Variants in AGAP1 observed in about 807,000 individuals in gnomAD.
The protein encoded by AGAP1 is arf-GAP with GTPase, ANK repeat and PH domain-containing protein 1.
A neutral mutation model predicts 105.3 loss-of-function variants in AGAP1; 29 were observed. The observed-to-expected ratio is 0.28, with a 90% CI of 0.21 to 0.38. The LOEUF (loss-of-function observed/expected upper bound fraction) is 0.38, where lower values mean the gene tolerates loss of function less well. Among genes scored for constraint, AGAP1 ranks in the 10% least tolerant of loss-of-function variants. AGAP1 has a pLI of 1.00. For synonymous variants in AGAP1, 509 were observed against 485.9 expected, an observed-to-expected ratio of 1.05 and a Z score of -0.63; for missense variants, 998 against 1,165.1, an observed-to-expected ratio of 0.86 and a Z score of 2.09.
Position 235,555,634 on chromosome 2 carries a change from T to C in AGAP1, c.163+60785T>C, listed in dbSNP as rs766842579. On this transcript the variant is annotated intron_variant, in intron 1 of 17. Coordinates refer to ENST00000304032, the MANE Select transcript of AGAP1 (RefSeq NM_001037131.3). This position sits in a 1 kb window ranked among gnomAD's most constrained non-coding sequence, Gnocchi z 5.1. ...CTATGCAGGCCTTGGGGTCTTTTCA[T>C]CAGATTCCTTTTGGCAGAATATAAG... 6.6e-6 allele frequency among the ~76,000 whole-genome samples: 1 copy of C among 152,194 alleles called. No homozygotes were observed. Among genetic ancestry groups the C allele is most frequent in the Non-Finnish European group, 1.5e-5 (1 of 68,038 alleles).
At chr2:235,571,362 A>G (rs1160973210) in intron 1 of AGAP1, among the ~76,000 whole-genome samples, 10 of 152,230 alleles carry the variant, frequency 6.6e-5, no homozygotes, top group East Asian at 5.8e-4. Flanking sequence ...ATCCTCCAGT[A>G]TGGTAGCCAC....
Position 236,014,671 on chromosome 2 carries a change from C to T in AGAP1, c.1646-21890C>T, listed in dbSNP as rs538102531. ...CCCAGGGAGCTCCATGGCACCCACC[C>T]GCTTCGCGCAGACAGCTCGGAGGCA... On this transcript the variant is annotated intron_variant, in intron 13 of 17. Coordinates refer to ENST00000304032, the MANE Select transcript of AGAP1 (RefSeq NM_001037131.3). The surrounding 1 kb of genome is among the most constrained non-coding windows in gnomAD (Gnocchi z 6.3). The T allele has an allele frequency of 1.7e-5, 6 of 345,096 alleles. No homozygotes were observed. In the East Asian group the frequency reaches 4.0e-4, roughly 23 times the overall value. The allele number at this position is 345,096 out of a possible 1,614,324, so 21.4% of individuals were successfully genotyped here.
chr2:235,774,347 G>A (rs1311827654), intron 6 of AGAP1: 3 of 470,472 alleles, frequency 6.4e-6, no homozygotes, highest in East Asian at 1.4e-4. Flanking sequence ...CTGCTGCAGA[G>A]GGAGTTCCAT....
intron 10 of AGAP1, among the ~76,000 whole-genome samples, chr2:235,894,638 C>CACACAT (rs1553667068): frequency 0.016 from 2,311 of 142,574 alleles, 33 homozygotes; most frequent in Middle Eastern, 0.029. Flanking sequence ...CACATGTACA[C>CACACAT]ACACACACAC....
rs1468471129 is a variant in AGAP1 at position 235,635,242 on chromosome 2, T to G, written c.164-73937T>G. On this transcript the variant is annotated intron_variant, in intron 1 of 17. Coordinates refer to ENST00000304032, the MANE Select transcript of AGAP1 (RefSeq NM_001037131.3). The surrounding 1 kb of genome is among the most constrained non-coding windows in gnomAD (Gnocchi z 5.3). Reference sequence around the variant, plus strand: ...TGGGTCGGTCAAACCTTTCCAAGCCTCCGTGTCCTCATCTGAAAATGGGAA... The same window carrying G: ...TGGGTCGGTCAAACCTTTCCAAGCCGCCGTGTCCTCATCTGAAAATGGGAA... Among the ~76,000 whole-genome samples, 1 of 152,060 alleles carries G rather than the reference T, an allele frequency of 6.6e-6. No homozygotes were observed. Among genetic ancestry groups the G allele is most frequent in the African/African-American group, 2.4e-5 (1 of 41,408 alleles).
At chr2:235,670,750 C>T in intron 1 of AGAP1, 1 of 996,622 alleles carries the variant, frequency 1.0e-6, no homozygotes, top group Non-Finnish European at 1.5e-6. Flanking sequence ...GCGAGGTGCT[C>T]AGCAAGAACG....
At chr2:235,512,851 A>G (rs903722821) in intron 1 of AGAP1, among the ~76,000 whole-genome samples, 3 of 152,190 alleles carry the variant, frequency 2.0e-5, no homozygotes, top group East Asian at 3.9e-4. Flanking sequence ...GTTGAGATAC[A>G]TGAGTGAAAA....
intron 8 of AGAP1, among the ~76,000 whole-genome samples, chr2:235,805,529 T>C (rs960633809): frequency 3.3e-5 from 5 of 152,190 alleles, no homozygotes; most frequent in African/African-American, 7.2e-5. Flanking sequence ...CAAAGTACTC[T>C]TAAATATTTT....
chr2:235,670,540 GC>G, intron 1 of AGAP1: 1 of 481,344 alleles, frequency 2.1e-6, no homozygotes, highest in South Asian at 3.3e-5. Flanking sequence ...CCCGGGCCGC[GC>G]CCCTGCGGCG....
intron 11 of AGAP1, among the ~76,000 whole-genome samples, chr2:235,913,610 C>T (rs925163020): frequency 7.9e-5 from 12 of 152,188 alleles, no homozygotes; most frequent in East Asian, 1.9e-4. Flanking sequence ...TGTATGACTC[C>T]GTTTGTATCT....
In AGAP1 at chr2:235,981,524, C is replaced by T. The variant is rs2055095463; in HGVS notation, c.1645+12901C>T. 6.6e-6 allele frequency among the ~76,000 whole-genome samples: 1 copy of T among 151,868 alleles called. No individual in the cohort carries two copies. On this transcript the variant is annotated intron_variant, in intron 13 of 17. Transcript: ENST00000304032. This position sits in a 1 kb window ranked among gnomAD's most constrained non-coding sequence, Gnocchi z 5.5. ...TTTCATGAAAATAAAATATTTTCTA[C>T]CAGAATACACATTTAGTGATGCCTC...
At chr2:235,704,798 G>A (rs1429682113) in intron 1 of AGAP1, among the ~76,000 whole-genome samples, 1 of 152,086 alleles carries the variant, frequency 6.6e-6, no homozygotes, top group Non-Finnish European at 1.5e-5. Flanking sequence ...ATCTGGCATT[G>A]CCAAGGAGGT....
At chr2:235,594,577 G>A (rs1945456648) in intron 1 of AGAP1, among the ~76,000 whole-genome samples, 1 of 152,082 alleles carries the variant, frequency 6.6e-6, no homozygotes, top group South Asian at 2.1e-4. Flanking sequence ...GAGTTTTCCA[G>A]ATTGCTGTTT....
At chr2:235,726,948 T>C (rs1951677716) in intron 3 of AGAP1, among the ~76,000 whole-genome samples, 1 of 152,172 alleles carries the variant, frequency 6.6e-6, no homozygotes, top group Non-Finnish European at 1.5e-5. Context: ...TTGCCTGTGT[T>C]GGGTGGGCAT....
In AGAP1 at chr2:236,109,584, G is replaced by C. The variant is rs1031730377; in HGVS notation, c.2115-10608G>C. Among the ~76,000 whole-genome samples, 1 of 152,072 alleles carries C rather than the reference G, an allele frequency of 6.6e-6. No homozygotes were observed. Among genetic ancestry groups the C allele is most frequent in the South Asian group, 2.1e-4 (1 of 4,826 alleles). On this transcript the variant is annotated intron_variant, in intron 16 of 17. Transcript: ENST00000304032. This position sits in a 1 kb window ranked among gnomAD's most constrained non-coding sequence, Gnocchi z 5.4. ...AGCGGCAGCGTCGGTGCTCTGGACC[G>C]GCAGCCATGGGAATGTCCTAGTCGG...
At chr2:236,011,632 T>G (rs2056516459) in intron 13 of AGAP1, among the ~76,000 whole-genome samples, 3 of 152,178 alleles carry the variant, frequency 2.0e-5, no homozygotes, top group Admixed American at 2.0e-4. Context: ...GAATAATAGA[T>G]TTTGTGAGAA....
At position 236,108,792 on chromosome 2, in the gene AGAP1, C is replaced by T. The variant is rs75510275; in HGVS notation, c.2115-11400C>T. Among the ~76,000 whole-genome samples the T allele has an allele frequency of 9.0e-3, 1,366 of 152,174 alleles. 5 individuals are homozygous for T. The highest frequency in any genetic ancestry group is 0.011 in the Non-Finnish European group (779 of 68,004). On this transcript the variant is annotated intron_variant, in intron 16 of 17. Transcript: ENST00000304032. The stretch of plus-strand genomic sequence containing the variant: ...TTACAGCCCCCCAGAGCGCCCCAGC[C>T]CTGCCACACACAGCGGCCCCTGTGA...
rs866150804 is a variant in AGAP1 at position 235,877,906 on chromosome 2, G to A, written c.1051-5439G>A. Among the ~76,000 whole-genome samples, 2 of 152,174 alleles carry A rather than the reference G, an allele frequency of 1.3e-5. No homozygotes were observed. The highest frequency in any genetic ancestry group is 4.8e-5 in the African/African-American group (2 of 41,438). On this transcript the variant is annotated intron_variant, in intron 9 of 17. Transcript: ENST00000304032. This position sits in a 1 kb window ranked among gnomAD's most constrained non-coding sequence, Gnocchi z 4.3. ...CAACTTAAAATTTGTCCTCGCCAGG[G>A]GAATCTTTCCTAATGCAAATCAGAT...
intron 9 of AGAP1, among the ~76,000 whole-genome samples, chr2:235,844,090 T>A (rs892497392): frequency 6.6e-6 from 1 of 152,182 alleles, no homozygotes; most frequent in African/African-American, 2.4e-5. Flanking sequence ...GCTAATGAAG[T>A]CTTTCCTGCT....
Sources: gnomAD v4.1 joint callset for allele counts (sites outside exome capture counted in the v4.1 genomes callset) on GRCh38, gnomAD v4.1.1 for gene constraint, Gnocchi (gnomAD v3.1) non-coding constraint, MANE v1.5 for transcripts, NCBI Gene and HGNC (gene_info 2026-07-23, HGNC 2026-07-21) for gene names.